Variants in CENPE observed in about 807,000 individuals in gnomAD.
CENPE encodes centromere-associated protein E.
A neutral mutation model predicts 336.1 loss-of-function variants in CENPE; 145 were observed. The ratio of observed to expected loss-of-function variants is 0.43; its 90% CI spans 0.38 to 0.50. The LOEUF is 0.50. CENPE is among the 20% of genes least tolerant of loss of function. The pLI is 0.00. For synonymous variants in CENPE, 1,013 were observed against 984.8 expected, an observed-to-expected ratio of 1.03 and a Z score of -0.54; for missense variants, 2,719 against 3,023.3, an observed-to-expected ratio of 0.90 and a Z score of 2.36.
intron 8 of CENPE, among the ~76,000 whole-genome samples, chr4:103,191,592 G>A (rs1201241108): frequency 7.2e-6 from 1 of 138,182 alleles, no homozygotes; most frequent in African/African-American, 2.7e-5. Flanking sequence ...GGTTGGAACT[G>A]AACAATGAGA....
At position 103,121,304 on chromosome 4, in the gene CENPE, TCAA is replaced by T. The variant is rs983861396; in HGVS notation, c.7144-974_7144-972del. On this transcript the variant is annotated intron_variant, in intron 43 of 48. Coordinates refer to ENST00000265148, the MANE Select transcript of CENPE (RefSeq NM_001813.3). Reference sequence around the variant, plus strand: ...ATATTTTTTCCAGATCTTTCCATTATCAACACATAGATCTCTCCTATTTTTTGT... The same window carrying T: ...ATATTTTTTCCAGATCTTTCCATTATCACATAGATCTCTCCTATTTTTTGT... Among the ~76,000 whole-genome samples the T allele has an allele frequency of 3.0e-4, 46 of 152,306 alleles. 3 individuals carry two copies. The highest frequency in any genetic ancestry group is 5.9e-5 in the Non-Finnish European group (4 of 68,020).
intron 33 of CENPE, 63 bp downstream of exon 33, chr4:103,144,268 G>A: frequency 7.1e-7 from 1 of 1,414,566 alleles, no homozygotes; most frequent in Non-Finnish European, 9.6e-7. Context: ...CAACCCTATG[G>A]CAGATTTTTC....
In CENPE at chr4:103,139,311, A is replaced by G. The variant is rs150262689; in HGVS notation, c.6204+478T>C. Among the ~76,000 whole-genome samples the G allele has an allele frequency of 1.1e-4, 16 of 152,308 alleles. No homozygotes were observed. In the East Asian group the frequency reaches 2.9e-3, roughly 28 times the overall value. On this transcript the variant is annotated intron_variant, in intron 38 of 48. Coordinates refer to ENST00000265148, the MANE Select transcript of CENPE (RefSeq NM_001813.3). ...TTTCAAAAAGAGGATTTAATTAGAT[A>G]TTTTAAGATATATGATTCTGAATAT... is the stretch of plus-strand genomic sequence containing the variant.
chr4:103,141,028 G>T lies in CENPE; in HGVS notation c.5540C>A (p.Ser1847Tyr), dbSNP rs1362071708. 1 of 1,604,144 alleles carries T rather than the reference G, an allele frequency of 6.2e-7. No homozygotes were observed. The highest frequency in any genetic ancestry group is 1.1e-5 in the South Asian group (1 of 90,276). ...TTGTTTCTTTAGTTGCTCCATTTCAGACACTTTTTTCTGTGTCTCATTGAC... is the reference window on the plus strand; with the variant it reads ...TTGTTTCTTTAGTTGCTCCATTTCATACACTTTTTTCTGTGTCTCATTGAC... Reference protein sequence around the residue: ...KDVNETQKKVSEMEQLKKQIK... With the variant: ...KDVNETQKKVYEMEQLKKQIK... The change falls in exon 36 of 49, where the codon TCT becomes TAT. Residue 1847 changes from serine to tyrosine, a missense_variant. Coordinates refer to ENST00000265148, the MANE Select transcript of CENPE (RefSeq NM_001813.3).
At position 103,153,141 on chromosome 4, in the gene CENPE, A is replaced by G. The variant is rs1211422214; in HGVS notation, c.3143T>C (p.Leu1048Ser). 9 of 1,612,540 alleles carry G rather than the reference A, an allele frequency of 5.6e-6. No homozygotes were observed. Among genetic ancestry groups the G allele is most frequent in the Non-Finnish European group, 4.2e-6 (5 of 1,179,126 alleles). The change falls in exon 25 of 49, where the codon TTA becomes TCA. Residue 1048 changes from leucine (L) to serine (S), a missense_variant. By Grantham distance (145) the Leu-to-Ser change is moderately radical. Transcript: ENST00000265148. ...IIEQQRKIFS[L>S]IQEKNELQQM... ...TTGGAGTTCATTTTTCTCCTGTATT[A>G]AAGAAAATATCTTCCTTTGTTGCTC...
At chr4:103,138,214 G>C in intron 39 of CENPE, 137 bp downstream of exon 39, 1 of 661,866 alleles carries the variant, frequency 1.5e-6, no homozygotes, top group Non-Finnish European at 2.7e-6. Flanking sequence ...CCACACACCT[G>C]TACTAGATTA....
intron 10 of CENPE, 55 bp from the exon 11 acceptor site, chr4:103,182,946 A>G (rs1756448755): frequency 1.3e-6 from 2 of 1,550,768 alleles, no homozygotes; most frequent in South Asian, 1.2e-5. Flanking sequence ...TATATAATAA[A>G]GTAGTTGGTT....
rs1369095487 is a variant in CENPE, at chr4:103,157,731, G to A, written c.3033+569C>T. The stretch of plus-strand genomic sequence containing the variant: ...GTTAAGGTGGTAAATTTTATGTTAT[G>A]TGTATTTTACTACCAATTTAAAAAA... On this transcript the variant is annotated intron_variant, in intron 24 of 48. Transcript: ENST00000265148. 4.0e-5 allele frequency among the ~76,000 whole-genome samples: 6 copies of A among 151,868 alleles called. No homozygotes were observed. In the East Asian group the frequency reaches 1.2e-3, roughly 29 times the overall value.
chr4:103,129,103 C>T (rs185119272), intron 42 of CENPE, among the ~76,000 whole-genome samples: 12 of 152,060 alleles, frequency 7.9e-5, no homozygotes, highest in Admixed American at 6.6e-4. Flanking sequence ...TATGAACAAC[C>T]CACAAATTTG....
chr4:103,113,201 TAA>T (rs1302262544), intron 46 of CENPE, among the ~76,000 whole-genome samples: 1 of 112,412 alleles, frequency 8.9e-6, no homozygotes, highest in Non-Finnish European at 1.9e-5. Context: ...TATAAGTATA[TAA>T]GTGTATATAT....
Position 103,138,454 on chromosome 4 carries a change from T to A in CENPE, c.6205-5A>T, listed in dbSNP as rs1207941287. ...TACTTGGTGGTTCTGTCGGTCCTGC[T>A]TTGGTAAAAAGAAAATAAACAGGGC... On this transcript the variant is annotated splice_polypyrimidine_tract_variant and splice_region_variant and intron_variant, in intron 38 of 48. Coordinates refer to ENST00000265148, the MANE Select transcript of CENPE (RefSeq NM_001813.3). The A allele has an allele frequency of 1.6e-5, 25 of 1,608,742 alleles. No homozygotes were observed. The highest frequency in any genetic ancestry group is 2.1e-5 in the Non-Finnish European group (25 of 1,175,184).
At position 103,136,221 on chromosome 4, in the gene CENPE, G is replaced by A; in HGVS notation, c.6442C>T (p.Gln2148Ter). The part of the protein sequence containing the change: ...VKANLSLPYL[Q>*]TKHIEKLFTA... ...AAAAGTTTTTCAATGTGTTTGGTTTGTAAATAGGGAAGTGAGAGGTTTGCT... is the reference window on the plus strand; with the variant it reads ...AAAAGTTTTTCAATGTGTTTGGTTTATAAATAGGGAAGTGAGAGGTTTGCT... Residue 2148 changes from glutamine to a stop codon, truncating the protein, a stop_gained, in exon 40 of 49, where the codon CAA (glutamine) becomes TAA (stop). Transcript: ENST00000265148. LOFTEE classifies it high-confidence loss of function. The A allele has an allele frequency of 6.2e-7, 1 of 1,613,840 alleles. No individual in the cohort carries two copies. The highest frequency in any genetic ancestry group is 8.5e-7 in the Non-Finnish European group (1 of 1,179,822).
At chr4:103,133,921 A>T in intron 40 of CENPE, 29 bp from the exon 41 acceptor site, 1 of 1,453,568 alleles carries the variant, frequency 6.9e-7, no homozygotes, top group Non-Finnish European at 9.5e-7. Flanking sequence ...ACAAATTGGT[A>T]AATGAAAATT....
chr4:103,193,443 T>A (rs1415966805), intron 8 of CENPE, among the ~76,000 whole-genome samples: 1 of 152,152 alleles, frequency 6.6e-6, no homozygotes, highest in Non-Finnish European at 1.5e-5. Context: ...AGATTGCTTT[T>A]TTCCCTGAAG....
chr4:103,140,139 T>C lies in CENPE; in HGVS notation c.5914-60A>G, dbSNP rs1472392390. 4 of 1,446,720 alleles carry C rather than the reference T, an allele frequency of 2.8e-6. No individual in the cohort carries two copies. In the East Asian group the frequency reaches 9.1e-5, roughly 33 times the overall value. The allele number at this position is 1,446,720 out of a possible 1,614,324, so 89.6% of individuals were successfully genotyped here. Reference sequence around the variant, plus strand: ...CAGTTTCTTCAAGGAAGGCAAATAGTGTCTACTTGTGTTCTATATGCACAT... The same window carrying C: ...CAGTTTCTTCAAGGAAGGCAAATAGCGTCTACTTGTGTTCTATATGCACAT... On this transcript the variant is annotated intron_variant, in intron 37 of 48. Transcript: ENST00000265148.
intron 28 of CENPE, 110 bp downstream of exon 28, chr4:103,148,734 T>C (rs1753278240): frequency 2.0e-6 from 2 of 984,602 alleles, no homozygotes; most frequent in Admixed American, 2.2e-5. Flanking sequence ...GACAAATACT[T>C]ACCCAGTCAA....
rs1198208813 is a variant in CENPE at position 103,116,150 on chromosome 4, GAA to G, written c.7442+425_7442+426del. Among the ~76,000 whole-genome samples, 4 of 151,854 alleles carry G rather than the reference GAA, an allele frequency of 2.6e-5. No individual in the cohort carries two copies. The East Asian group carries it at 7.7e-4, about 29-fold the overall frequency. ...AGAGGATTTGCTCTTGGGCCCTAGG[GAA>G]CTATAAACTAAAAGGAAATATAATC... On this transcript the variant is annotated intron_variant, in intron 45 of 48. Coordinates refer to ENST00000265148, the MANE Select transcript of CENPE (RefSeq NM_001813.3).
At chr4:103,184,392 T>C (rs1756577210) in intron 9 of CENPE, among the ~76,000 whole-genome samples, 2 of 152,176 alleles carry the variant, frequency 1.3e-5, no homozygotes, top group African/African-American at 4.8e-5. Context: ...CAGTTTTTTG[T>C]TGGTTTCTTT....
chr4:103,131,322 C>T (rs997049365), intron 42 of CENPE, among the ~76,000 whole-genome samples: 4 of 152,118 alleles, frequency 2.6e-5, no homozygotes, highest in African/African-American at 9.7e-5. Flanking sequence ...ACACAGATGA[C>T]AAATAACTAT....
Sources: gnomAD v4.1 joint callset for allele counts (sites outside exome capture counted in the v4.1 genomes callset) on GRCh38, gnomAD v4.1.1 for gene constraint, MANE v1.5 for transcripts, NCBI Gene and HGNC (gene_info 2026-07-23, HGNC 2026-07-21) for gene names.